Variants in STK3 observed in about 807,000 individuals in gnomAD.
The protein encoded by STK3 is serine/threonine kinase 3, also known as serine/threonine-protein kinase 3.
In STK3, 41 loss-of-function variants were observed where a neutral mutation model predicts 58.0. That is an observed-to-expected ratio of 0.71 (90% CI 0.55 to 0.92). The LOEUF (loss-of-function observed/expected upper bound fraction) is 0.92. Ranked by LOEUF, STK3 falls within the 40% of genes least tolerant of loss-of-function variation. The probability of loss-of-function intolerance (pLI) is 0.00; values close to 1 mark genes in which losing one functional copy is unlikely to be tolerated. For missense variants in STK3, 479 were observed against 602.7 expected (o/e 0.79, Z 2.15); for synonymous variants, 170 against 191.0 (o/e 0.89, Z 0.91).
At chr8:98,500,892 T>G (rs529745073) in intron 10 of STK3, among the ~76,000 whole-genome samples, 1 of 152,186 alleles carries the variant, frequency 6.6e-6, no homozygotes, top group African/African-American at 2.4e-5. Flanking sequence ...GTCTTTATAG[T>G]AGCATGATTT....
the STK3 span, among the ~76,000 whole-genome samples, chr8:98,358,571 T>C: frequency 4.6e-5 from 7 of 152,064 alleles, no homozygotes; most frequent in Non-Finnish European, 1.0e-4. Flanking sequence ...CGGCTCTTCT[T>C]TTAAAATGCA....
intron 7 of STK3, among the ~76,000 whole-genome samples, chr8:98,582,697 G>A (rs1449701194): frequency 6.6e-6 from 1 of 151,842 alleles, no homozygotes; most frequent in Non-Finnish European, 1.5e-5. Flanking sequence ...CCATTTGTGG[G>A]CATTTAATTC....
intron 4 of STK3, chr8:98,722,749 C>G (rs62532575): frequency 0.015 from 3,030 of 200,514 alleles, 37 homozygotes; most frequent in Non-Finnish European, 0.022. Flanking sequence ...GTACCTTTCT[C>G]ATATCTGTAA....
downstream of STK3, among the ~76,000 whole-genome samples, chr8:98,400,375 C>T (rs528368975): frequency 8.3e-4 from 126 of 152,356 alleles, no homozygotes; most frequent in African/African-American, 3.0e-3. Flanking sequence ...AGGGAACACA[C>T]ATGTAGCAAA....
At chr8:98,421,744 A>G (rs1199923018) in intron 3 of STK3, among the ~76,000 whole-genome samples, 1 of 152,096 alleles carries the variant, frequency 6.6e-6, no homozygotes, top group Non-Finnish European at 1.5e-5. Flanking sequence ...CCACTGCACT[A>G]CAGCCTGGGT....
At chr8:98,590,696 C>G (rs575297942) in intron 7 of STK3, among the ~76,000 whole-genome samples, 3 of 152,116 alleles carry the variant, frequency 2.0e-5, no homozygotes, top group Non-Finnish European at 1.5e-5. Flanking sequence ...TTAAGTATGC[C>G]TCATGTAGAA....
At chr8:98,528,083 C>T (rs1171587605) in intron 9 of STK3, among the ~76,000 whole-genome samples, 1 of 152,184 alleles carries the variant, frequency 6.6e-6, no homozygotes, top group African/African-American at 2.4e-5. Context: ...GTACAGTTAA[C>T]TATAACCCCT....
At chr8:98,419,597 G>A (rs1222173846) in intron 3 of STK3, among the ~76,000 whole-genome samples, 1 of 152,182 alleles carries the variant, frequency 6.6e-6, no homozygotes, top group Non-Finnish European at 1.5e-5. Flanking sequence ...GCTGCATCCT[G>A]GACCTGGAGT....
chr8:98,761,024 C>T (rs1158950389), intron 3 of STK3, among the ~76,000 whole-genome samples: 2 of 152,054 alleles, frequency 1.3e-5, no homozygotes, highest in Non-Finnish European at 2.9e-5. Flanking sequence ...ATTCATAACA[C>T]CCAAAATATG....
In STK3 at chr8:98,900,760, C is replaced by G. The variant is rs971989805; in HGVS notation, c.-78-16926G>C. On this transcript the variant is annotated intron_variant, in intron 1 of 1. Transcript: ENST00000519420. ...CACTGCAACCTCCCCCCACTGGGTT[C>G]AAGTGATTCTCCTGCCTCAGCCTCC... Among the ~76,000 whole-genome samples, 5 of 151,344 alleles carry G rather than the reference C, an allele frequency of 3.3e-5. No homozygotes were observed. In the South Asian group the frequency reaches 1.0e-3, roughly 31 times the overall value.
chr8:98,411,491 G>A (rs1287217021), intron 3 of STK3, among the ~76,000 whole-genome samples: 2 of 152,166 alleles, frequency 1.3e-5, no homozygotes, highest in Non-Finnish European at 1.5e-5. Flanking sequence ...GGAGCCTTGG[G>A]GATTTAAGGC....
At chr8:98,660,809 CCTCTT>C (rs533048061) in intron 6 of STK3, among the ~76,000 whole-genome samples, 105 of 152,062 alleles carry the variant, frequency 6.9e-4, no homozygotes, top group African/African-American at 2.4e-3. Flanking sequence ...TTTTCCCTTC[CCTCTT>C]CTCTTCACTT....
At chr8:98,792,862 T>C (rs1175627146) in intron 1 of STK3, among the ~76,000 whole-genome samples, 2 of 151,858 alleles carry the variant, frequency 1.3e-5, no homozygotes, top group Non-Finnish European at 2.9e-5. Flanking sequence ...CCAACCTAAA[T>C]GCCCATCAAT....
chr8:98,413,714 T>C (rs982384546), intron 3 of STK3: 2 of 930,992 alleles, frequency 2.1e-6, no homozygotes, highest in African/African-American at 1.6e-5. Flanking sequence ...CCACCGTTCT[T>C]TTCTGTTGAA....
chr8:98,478,284 C>T (rs1375788597), intron 10 of STK3, among the ~76,000 whole-genome samples: 5 of 151,994 alleles, frequency 3.3e-5, no homozygotes, highest in East Asian at 1.9e-4. Flanking sequence ...TTTCTTAAGG[C>T]GCTGGTTTAT....
chr8:98,387,055 T>A (rs564049595), intron 1 of STK3, among the ~76,000 whole-genome samples: 5 of 151,510 alleles, frequency 3.3e-5, no homozygotes, highest in African/African-American at 1.2e-4. Flanking sequence ...GGAAAATAAA[T>A]AAAACAAGCC....
chr8:98,445,677 T>C (rs985961233), intron 1 of STK3, among the ~76,000 whole-genome samples: 1 of 152,156 alleles, frequency 6.6e-6, no homozygotes, highest in African/African-American at 2.4e-5. Context: ...AAAAAGAAGA[T>C]AAGCTTTTCA....
chr8:98,858,897 T>TAAAA (rs762055696), intron 3 of STK3, among the ~76,000 whole-genome samples: 3 of 80,524 alleles, frequency 3.7e-5, no homozygotes, highest in African/African-American at 4.8e-5. Flanking sequence ...AGACTCCATC[T>TAAAA]AAAAAAAAAA....
chr8:98,428,149 AGCTCT>A lies in STK3; in HGVS notation n.483+5973_483+5977del. On this transcript the variant is annotated intron_variant and non_coding_transcript_variant, in intron 3 of 3. Transcript: ENST00000517832. This position sits in a 1 kb window ranked among gnomAD's most constrained non-coding sequence, Gnocchi z 6.7. ...TGCCACTCGCGCGAGGCCATTCTGG[AGCTCT>A]GCGATGACTACGACGACGTCCAGCG... 6.2e-7 allele frequency: 1 copy of A among 1,613,836 alleles called. No homozygotes were observed. Among genetic ancestry groups the A allele is most frequent in the Non-Finnish European group, 8.5e-7 (1 of 1,179,956 alleles).
Sources: gnomAD v4.1 joint callset for allele counts (sites outside exome capture counted in the v4.1 genomes callset) on GRCh38, gnomAD v4.1.1 for gene constraint, Gnocchi (gnomAD v3.1) non-coding constraint, MANE v1.5 for transcripts, NCBI Gene and HGNC (gene_info 2026-07-23, HGNC 2026-07-21) for gene names.